The following EIPR1 variants were observed in gnomAD, a reference collection of about 807,000 sequenced individuals.
EIPR1 encodes EARP and GARP complex-interacting protein 1.
EIPR1 carries 25 observed loss-of-function variants against 48.1 expected under a neutral mutation model. That is an observed-to-expected ratio of 0.52 (90% CI 0.38 to 0.73). EIPR1 has a LOEUF of 0.73. Among genes scored for constraint, EIPR1 ranks in the 30% least tolerant of loss-of-function variants. EIPR1 has a pLI of 0.00. For missense variants in EIPR1, 415 were observed against 506.2 expected, an observed-to-expected ratio of 0.82 and a Z score of 1.73; for synonymous variants, 204 against 201.9, an observed-to-expected ratio of 1.01 and a Z score of -0.09.
chr2:3,276,974 G>A (rs1667866688), intron 3 of EIPR1, among the ~76,000 whole-genome samples: 1 of 152,180 alleles, frequency 6.6e-6, no homozygotes, highest in African/African-American at 2.4e-5. Flanking sequence ...TCACCAGGGA[G>A]CAAACCTGTT....
chr2:3,339,770 G>C (rs926547399), intron 2 of EIPR1, among the ~76,000 whole-genome samples: 1 of 152,226 alleles, frequency 6.6e-6, no homozygotes, highest in Non-Finnish European at 1.5e-5. Context: ...CCACCACAGT[G>C]AAACCCCGTC....
At chr2:3,200,297 C>A (rs999053863) in intron 5 of EIPR1, among the ~76,000 whole-genome samples, 1 of 152,138 alleles carries the variant, frequency 6.6e-6, no homozygotes, top group Non-Finnish European at 1.5e-5. Context: ...CCCTGCCCAG[C>A]CTGGCCCACC....
intron 1 of EIPR1, among the ~76,000 whole-genome samples, chr2:3,365,129 A>T (rs1238316140): frequency 1.4e-5 from 2 of 145,884 alleles, no homozygotes; most frequent in Non-Finnish European, 3.0e-5. Flanking sequence ...CAATTTAAAA[A>T]ATTGTTTTAA....
At chr2:3,204,642 C>T (rs1446673375) in intron 5 of EIPR1, among the ~76,000 whole-genome samples, 1 of 152,234 alleles carries the variant, frequency 6.6e-6, no homozygotes, top group Non-Finnish European at 1.5e-5. Context: ...AAAGAATACA[C>T]CTCCTAACGA....
intron 2 of EIPR1, among the ~76,000 whole-genome samples, chr2:3,341,095 C>CAAAAAAAAA (rs55667121): frequency 2.2e-3 from 48 of 22,194 alleles, no homozygotes; most frequent in Non-Finnish European, 3.2e-3. Context: ...GATCCTGTCT[C>CAAAAAAAAA]AAAAAAAAAA....
At chr2:3,208,738 GGTCCTTCTGTGAGTGAGGCCCGTGGCGA>G (rs778796318) in intron 5 of EIPR1, 73 of 1,548,428 alleles carry the variant, frequency 4.7e-5, no homozygotes, top group South Asian at 1.8e-4. Context: ...GCTCGTGGCG[GGTCCTTCTGTGAGTGAGGCCCGTGGCGA>G]GTCCTTCTTC....
intron 5 of EIPR1, among the ~76,000 whole-genome samples, chr2:3,209,621 G>C (rs1483479071): frequency 6.6e-6 from 1 of 152,170 alleles, no homozygotes; most frequent in Non-Finnish European, 1.5e-5. Context: ...ATGCATAAAA[G>C]GAAAGACCAA....
At chr2:3,248,508 C>T (rs1216207718) in intron 4 of EIPR1, among the ~76,000 whole-genome samples, 1 of 152,158 alleles carries the variant, frequency 6.6e-6, no homozygotes, top group Non-Finnish European at 1.5e-5. Context: ...GCAGGACAAT[C>T]ACTGGAACCC....
intron 4 of EIPR1, among the ~76,000 whole-genome samples, chr2:3,229,559 T>C (rs1666172349): frequency 6.6e-6 from 1 of 152,240 alleles, no homozygotes; most frequent in South Asian, 2.1e-4. Context: ...TGCTGTGTCT[T>C]TTCTTACATT....
At chr2:3,248,186 G>A (rs4284864) in intron 4 of EIPR1, among the ~76,000 whole-genome samples, 87,500 of 152,022 alleles carry the variant, frequency 0.58, 25,551 homozygotes, top group East Asian at 0.75. Context: ...GGTGTCTCAC[G>A]CCTGTAATCC....
At chr2:3,223,513 T>C (rs1665963978) in intron 4 of EIPR1, among the ~76,000 whole-genome samples, 1 of 152,218 alleles carries the variant, frequency 6.6e-6, no homozygotes, top group Non-Finnish European at 1.5e-5. Context: ...GAGGATGTTT[T>C]GCGCGTTCTT....
At chr2:3,313,008 A>G (rs759815201) in intron 3 of EIPR1, among the ~76,000 whole-genome samples, 1 of 152,192 alleles carries the variant, frequency 6.6e-6, no homozygotes, top group Non-Finnish European at 1.5e-5. Context: ...TCCGATGCAC[A>G]CTTCGCACCT....
At chr2:3,285,337 C>A (rs1422285596) in intron 3 of EIPR1, among the ~76,000 whole-genome samples, 2 of 149,018 alleles carry the variant, frequency 1.3e-5, no homozygotes, top group Non-Finnish European at 3.0e-5. Context: ...ACCCCCACCC[C>A]CACCCCCCAG....
At chr2:3,203,890 G>A (rs1463082332) in intron 5 of EIPR1, among the ~76,000 whole-genome samples, 1 of 152,236 alleles carries the variant, frequency 6.6e-6, no homozygotes, top group African/African-American at 2.4e-5. Context: ...CCCAGAAGGA[G>A]CCACATCCGA....
At chr2:3,324,138 T>TA (rs757215595) in intron 3 of EIPR1, among the ~76,000 whole-genome samples, 3 of 152,274 alleles carry the variant, frequency 2.0e-5, no homozygotes, top group Middle Eastern at 3.4e-3. Context: ...CCTCCCATCT[T>TA]ACAGATGAGA....
Position 3,214,244 on chromosome 2 carries a change from C to G in EIPR1, c.421G>C (p.Val141Leu), listed in dbSNP as rs369361468. 6.2e-7 allele frequency: 1 copy of G among 1,612,962 alleles called. No homozygotes were observed. The highest frequency in any genetic ancestry group is 1.7e-5 in the Admixed American group (1 of 59,922). Residue 141 changes from valine (V) to leucine (L), a missense_variant, in exon 5 of 9, where the codon GTG becomes CTG. Transcript: ENST00000382125. The part of the protein sequence containing the change: ...NTAHGNMACV[V>L]WEPMGDGKKI... ...TTCCCATCTCCCATTGGCTCCCACA[C>G]GACACTAAGAGAAAGAGAAGTACCA...
intron 3 of EIPR1, among the ~76,000 whole-genome samples, chr2:3,309,463 A>G (rs1669053782): frequency 6.6e-6 from 1 of 152,214 alleles, no homozygotes; most frequent in African/African-American, 2.4e-5. Flanking sequence ...GAAAACAAAT[A>G]ACAACATGGC....
At chr2:3,201,445 C>T (rs1489327814) in intron 5 of EIPR1, among the ~76,000 whole-genome samples, 1 of 152,238 alleles carries the variant, frequency 6.6e-6, no homozygotes, top group Non-Finnish European at 1.5e-5. Context: ...TCTCTTCCTT[C>T]TCATTACGTT....
intron 3 of EIPR1, among the ~76,000 whole-genome samples, chr2:3,304,073 G>A (rs866619220): frequency 3.9e-5 from 6 of 152,160 alleles, no homozygotes; most frequent in Non-Finnish European, 7.4e-5. Context: ...AGACAGACAC[G>A]GTCACCAAGT....
Sources: allele counts gnomAD v4.1 joint callset (sites outside exome capture counted in the v4.1 genomes callset), GRCh38; gene constraint gnomAD v4.1.1; transcripts MANE v1.5; gene names NCBI Gene and HGNC (gene_info 2026-07-23, HGNC 2026-07-21).